The following UTP25 variants were observed in gnomAD, a reference collection of about 807,000 sequenced individuals.
The protein encoded by UTP25 is UTP25 small subunit processome component.
Under a neutral mutation model 78.9 loss-of-function variants are expected in UTP25, and 50 were observed. The ratio of observed to expected loss-of-function variants is 0.63; its 90% confidence interval spans 0.50 to 0.80. The LOEUF (loss-of-function observed/expected upper bound fraction) is 0.80, where lower values mean the gene tolerates loss of function less well. Among genes scored for constraint, UTP25 ranks in the 30% least tolerant of loss-of-function variants. UTP25 has a pLI of 0.00. For missense variants in UTP25, 846 were observed against 911.3 expected, an observed-to-expected ratio of 0.93 and a Z score of 0.92; for synonymous variants, 329 against 336.5, an observed-to-expected ratio of 0.98 and a Z score of 0.24.
intron 11 of UTP25, among the ~76,000 whole-genome samples, chr1:209,849,009 A>G (rs1023202004): frequency 6.6e-6 from 1 of 151,642 alleles, no homozygotes; most frequent in African/African-American, 2.4e-5. Flanking sequence ...GGTTTTTCTC[A>G]GTGTCCTGAT....
In UTP25 at chr1:209,841,023, A is replaced by G; in HGVS notation, c.1453A>G (p.Ile485Val). Residue 485 changes from isoleucine to valine, a missense_variant, in exon 8 of 12, where the codon ATT becomes GTT. Coordinates refer to ENST00000491415, the MANE Select transcript of UTP25 (RefSeq NM_014388.7). ...GCTTCTCATCATTGATCAAGCTGAC[A>G]TTTACCTGATGCAGAACTGGGAGCA... is the stretch of plus-strand genomic sequence containing the variant. ...IELLIIDQAD[I>V]YLMQNWEHVL... 6 of 1,614,026 alleles carry G rather than the reference A, an allele frequency of 3.7e-6. No individual in the cohort carries two copies. Among genetic ancestry groups the G allele is most frequent in the Non-Finnish European group, 5.1e-6 (6 of 1,179,930 alleles).
chr1:209,848,021 TC>T, intron 11 of UTP25, among the ~76,000 whole-genome samples: 1 of 152,350 alleles, frequency 6.6e-6, no homozygotes, highest in African/African-American at 2.4e-5. Flanking sequence ...ATCTAATTGT[TC>T]CCTTGTTATT....
intron 4 of UTP25, among the ~76,000 whole-genome samples, 169 bp from the exon 5 acceptor site, chr1:209,834,906 A>G (rs190340521): frequency 6.6e-6 from 1 of 152,322 alleles, no homozygotes; most frequent in Admixed American, 6.5e-5. Flanking sequence ...TTTTAGGAAA[A>G]TGAACCTTTC....
At chr1:209,829,447 TTGTCATCAG>T (rs1409926792) in intron 1 of UTP25, among the ~76,000 whole-genome samples, 5 of 152,178 alleles carry the variant, frequency 3.3e-5, no homozygotes, top group Non-Finnish European at 7.3e-5. Flanking sequence ...TTGGGCTGCT[TTGTCATCAG>T]TTAGGGACAT....
At position 209,830,916 on chromosome 1, in the gene UTP25, G is replaced by A; in HGVS notation, c.261G>A (p.Glu87=). Residue 87 remains glutamate, a synonymous_variant, in exon 3 of 12, where the codon GAG becomes GAA. Coordinates refer to ENST00000491415, the MANE Select transcript of UTP25 (RefSeq NM_014388.7). The part of the protein sequence containing the change: ...ATLKNVSEEE[E]EDEEEEEEED... ...TAAAGAATGTTTCTGAGGAAGAAGA[G>A]GAAGATGAGGAGGAGGAAGAGGAAG... 1.2e-6 allele frequency: 2 copies of A among 1,613,888 alleles called. No individual in the cohort carries two copies. The highest frequency in any genetic ancestry group is 1.7e-6 in the Non-Finnish European group (2 of 1,179,790).
chr1:209,833,615 G>A (rs1014190779), intron 4 of UTP25, among the ~76,000 whole-genome samples: 19 of 152,176 alleles, frequency 1.2e-4, no homozygotes, highest in African/African-American at 4.6e-4. Context: ...CATTATTGGA[G>A]TCAGGGGAAG....
At chr1:209,845,557 C>A (rs763420944) in intron 11 of UTP25, among the ~76,000 whole-genome samples, 4 of 152,196 alleles carry the variant, frequency 2.6e-5, no homozygotes, top group Non-Finnish European at 4.4e-5. Context: ...GGACAGTCTC[C>A]TGTATTACAC....
rs2078275220 is a variant in UTP25 at position 209,856,271 on chromosome 1, T to C, written c.*4824T>C. On this transcript the variant is annotated 3_prime_UTR_variant, in exon 12 of 12. Coordinates refer to ENST00000491415, the MANE Select transcript of UTP25 (RefSeq NM_014388.7). ...TCCCTAGTTCCAGAACGCTGGACTT[T>C]AATGAGATAACAAAGTACCTAGTAA... 1 of 152,274 alleles carries C rather than the reference T, an allele frequency of 6.6e-6. No homozygotes were observed. Among genetic ancestry groups the C allele is most frequent in the Non-Finnish European group, 1.5e-5 (1 of 68,058 alleles). 9.4% of individuals were successfully genotyped at this position (152,274 alleles called of 1,614,324 possible).
chr1:209,839,827 G>A (rs1442145262), intron 7 of UTP25, among the ~76,000 whole-genome samples: 1 of 152,198 alleles, frequency 6.6e-6, no homozygotes, highest in Non-Finnish European at 1.5e-5. Context: ...CTACGACAGA[G>A]CAGGCAGTGC....
chr1:209,851,151 T>TACAAC, intron 11 of UTP25, 53 bp from the exon 12 acceptor site: 1 of 1,570,410 alleles, frequency 6.4e-7, no homozygotes, highest in Non-Finnish European at 8.6e-7. Context: ...TAGGTAGTTT[T>TACAAC]TCTAGAACTT....
At chr1:209,837,542 C>T (rs1572002799) in intron 6 of UTP25, among the ~76,000 whole-genome samples, 1 of 152,150 alleles carries the variant, frequency 6.6e-6, no homozygotes, top group Non-Finnish European at 1.5e-5. Context: ...CCTTAATGAG[C>T]CTTTTATCCA....
At chr1:209,838,448 T>C (rs1018804849) in intron 6 of UTP25, among the ~76,000 whole-genome samples, 10 of 152,246 alleles carry the variant, frequency 6.6e-5, no homozygotes, top group Non-Finnish European at 1.5e-4. Context: ...GTTAATCCTT[T>C]TTCTTACCCG....
rs749842728 is a variant in UTP25 at position 209,851,228 on chromosome 1, C to T, written c.2052C>T (p.Asn684=). Residue 684 remains asparagine, a synonymous_variant, in exon 12 of 12, where the codon AAC becomes AAT. Transcript: ENST00000491415. ...GGTATACAATAAAAGGCATCAGGAA[C>T]CTGATTTTCTATGAACTGCCGACAT... ...YKRYTIKGIR[N]LIFYELPTYP... The T allele has an allele frequency of 3.7e-6, 6 of 1,613,436 alleles. No individual in the cohort carries two copies. The South Asian group carries it at 4.4e-5, about 12-fold the overall frequency.
chr1:209,839,141 T>G lies in UTP25; in HGVS notation c.1282+13T>G. Reference sequence around the variant, plus strand: ...CACTTCAGGATTGGTAATTCTTCCTTATCAACTTTGAGACCTAAAGTGTGA... The same window carrying G: ...CACTTCAGGATTGGTAATTCTTCCTGATCAACTTTGAGACCTAAAGTGTGA... On this transcript the variant is annotated intron_variant, in intron 7 of 11. Transcript: ENST00000491415. 1 of 1,593,362 alleles carries G rather than the reference T, an allele frequency of 6.3e-7. No homozygotes were observed. The highest frequency in any genetic ancestry group is 8.6e-7 in the Non-Finnish European group (1 of 1,166,402).
intron 1 of UTP25, 99 bp from the exon 2 acceptor site, chr1:209,830,009 A>G: frequency 2.0e-6 from 2 of 1,023,684 alleles, no homozygotes; most frequent in Non-Finnish European, 1.5e-6. Flanking sequence ...ATGTATTTAT[A>G]ATGTTATATT....
chr1:209,839,263 A>G (rs2078152857), intron 7 of UTP25, 135 bp downstream of exon 7: 4 of 854,398 alleles, frequency 4.7e-6, no homozygotes, highest in South Asian at 1.8e-5. Flanking sequence ...CCTTTGAGAC[A>G]TGTTGTTTGC....
chr1:209,840,147 G>A (rs2078158184), intron 7 of UTP25, among the ~76,000 whole-genome samples: 1 of 152,208 alleles, frequency 6.6e-6, no homozygotes, highest in African/African-American at 2.4e-5. Context: ...AACATATATA[G>A]CTGTCCAGGA....
chr1:209,835,798 G>A (rs1380339243), intron 5 of UTP25, among the ~76,000 whole-genome samples: 1 of 152,150 alleles, frequency 6.6e-6, no homozygotes, highest in African/African-American at 2.4e-5. Context: ...TTTCCTCAGT[G>A]GTGAAATCTT....
chr1:209,829,486 C>CTTTTTTTTTT (rs200092993), intron 1 of UTP25, among the ~76,000 whole-genome samples: 1 of 141,428 alleles, frequency 7.1e-6, no homozygotes, highest in Non-Finnish European at 1.6e-5. Context: ...CTTTTCTTTT[C>CTTTTTTTTTT]TTTTTTCTTT....
Sources: gnomAD v4.1 joint callset for allele counts (sites outside exome capture counted in the v4.1 genomes callset) on GRCh38, gnomAD v4.1.1 for gene constraint, MANE v1.5 for transcripts, NCBI Gene and HGNC (gene_info 2026-07-23, HGNC 2026-07-21) for gene names.